The following RWDD1 variants were observed in gnomAD, a reference collection of about 807,000 sequenced individuals.
RWDD1 encodes RWD domain containing 1, also known as RWD domain-containing protein 1.
RWDD1 carries 17 observed loss-of-function variants against 31.6 expected under a neutral mutation model. The observed-to-expected ratio is 0.54, with a 90% CI of 0.37 to 0.81. The LOEUF (loss-of-function observed/expected upper bound fraction) is 0.81, where lower values mean the gene tolerates loss of function less well. Ranked by LOEUF, RWDD1 falls within the 30% of genes least tolerant of loss-of-function variation. The probability of loss-of-function intolerance (pLI) is 0.00; values close to 1 mark genes in which losing one functional copy is unlikely to be tolerated. For missense variants in RWDD1, 204 were observed against 274.5 expected (o/e 0.74, Z 1.82); for synonymous variants, 78 against 94.2 (o/e 0.83, Z 0.99).
At chr6:116,571,787 A>G in intron 1 of RWDD1, 132 bp downstream of exon 1, 1 of 610,670 alleles carries the variant, frequency 1.6e-6, no homozygotes, top group Non-Finnish European at 2.7e-6. Context: ...CTTGCCCTCC[A>G]CTCCTCAAGT....
intron 1 of RWDD1, among the ~76,000 whole-genome samples, chr6:116,578,182 A>G (rs1037600944): frequency 6.6e-6 from 1 of 152,184 alleles, no homozygotes; most frequent in Non-Finnish European, 1.5e-5. Context: ...CACATCTGTA[A>G]AATTGGGGTG....
At chr6:116,586,102 A>C (rs569735712) in intron 3 of RWDD1, among the ~76,000 whole-genome samples, 1 of 152,264 alleles carries the variant, frequency 6.6e-6, no homozygotes, top group African/African-American at 2.4e-5. Context: ...GTCTCTTTTC[A>C]AAAAGGCTGT....
chr6:116,574,386 G>A (rs957396033), intron 1 of RWDD1, among the ~76,000 whole-genome samples: 1 of 152,294 alleles, frequency 6.6e-6, no homozygotes, highest in Non-Finnish European at 1.5e-5. Flanking sequence ...CTTGAGATAG[G>A]TAAGAAGTCG....
chr6:116,591,201 G>A (rs1775138605), intron 6 of RWDD1, among the ~76,000 whole-genome samples: 1 of 151,880 alleles, frequency 6.6e-6, no homozygotes. Context: ...TTCCTCCCAA[G>A]GCTGTTAAAA....
At chr6:116,587,672 ATG>A (rs149843338) in intron 3 of RWDD1, among the ~76,000 whole-genome samples, 23 of 149,634 alleles carry the variant, frequency 1.5e-4, no homozygotes, top group Middle Eastern at 3.4e-3. Flanking sequence ...CTCTGTGTGT[ATG>A]TGTGTGTGTG....
chr6:116,591,665 C>T (rs978871352), intron 6 of RWDD1, among the ~76,000 whole-genome samples: 1 of 152,270 alleles, frequency 6.6e-6, no homozygotes, highest in African/African-American at 2.4e-5. Context: ...TGGGCCAGTT[C>T]TCTCCCCTCG....
intron 5 of RWDD1, among the ~76,000 whole-genome samples, chr6:116,590,671 AC>A (rs534796549): frequency 1.2e-3 from 184 of 152,260 alleles, no homozygotes; most frequent in African/African-American, 4.3e-3. Flanking sequence ...GTAGAGTCAA[AC>A]CCATTTGTTT....
In RWDD1 at chr6:116,571,532, TGC is replaced by T; in HGVS notation, c.-46_-45del. 1.3e-6 allele frequency: 2 copies of T among 1,581,054 alleles called. No individual in the cohort carries two copies. The highest frequency in any genetic ancestry group is 1.7e-6 in the Non-Finnish European group (2 of 1,161,140). Reference sequence around the variant, plus strand: ...CCGGCGCGGCAGCTGTCTGGGCTGCTGCGCGCCGCCTAGGTGTCTGGGCGATC... The same window carrying T: ...CCGGCGCGGCAGCTGTCTGGGCTGCTGCGCCGCCTAGGTGTCTGGGCGATC... On this transcript the variant is annotated 5_prime_UTR_variant, in exon 1 of 7. Coordinates refer to ENST00000466444, the MANE Select transcript of RWDD1 (RefSeq NM_015952.4).
At chr6:116,582,985 A>ATTTTTTT (rs1774974489) in intron 2 of RWDD1, among the ~76,000 whole-genome samples, 1 of 147,590 alleles carries the variant, frequency 6.8e-6, no homozygotes, top group Non-Finnish European at 1.5e-5. Flanking sequence ...AAAATTTTAA[A>ATTTTTTT]TATTTTTTAG....
rs1479286733 is a variant in RWDD1, at chr6:116,596,158, G to A, written c.*3057G>A. 3 of 152,182 alleles carry A rather than the reference G, an allele frequency of 2.0e-5. No homozygotes were observed. The highest frequency in any genetic ancestry group is 4.4e-5 in the Non-Finnish European group (3 of 68,038). The allele number at this position is 152,182 out of a possible 1,614,324, so 9.4% of individuals were successfully genotyped here. A position where few individuals can be genotyped will look rare whatever the true frequency, so the allele number is the denominator to read the frequency against. On this transcript the variant is annotated 3_prime_UTR_variant, in exon 7 of 7. Coordinates refer to ENST00000466444, the MANE Select transcript of RWDD1 (RefSeq NM_015952.4). ...AGCTCTTAATGTTTGTCTTTCAGAG[G>A]ACATACGAGTCAGGCAGCAAAAGTT...
chr6:116,577,857 T>C (rs1774878082), intron 1 of RWDD1, among the ~76,000 whole-genome samples: 1 of 152,226 alleles, frequency 6.6e-6, no homozygotes, highest in African/African-American at 2.4e-5. Flanking sequence ...AACTTTCAAC[T>C]GTATTTTCAC....
chr6:116,588,842 G>A lies in RWDD1; in HGVS notation c.271G>A (p.Ala91Thr), dbSNP rs1460570576. The change falls in exon 4 of 7, where the codon GCT (alanine) becomes ACT (threonine). Residue 91 changes from alanine (A) to threonine (T), a missense_variant and splice_region_variant. Transcript: ENST00000466444. ...SDILKLLALQ[A>T]EENLGMVMIF... Reference sequence around the variant, plus strand: ...CTCATCACCTTTTTGTGTTACACAGGCTGAAGAAAATCTTGGTATGGTGAT... The same window carrying A: ...CTCATCACCTTTTTGTGTTACACAGACTGAAGAAAATCTTGGTATGGTGAT... The A allele has an allele frequency of 2.0e-6, 3 of 1,533,706 alleles. No individual in the cohort carries two copies. The highest frequency in any genetic ancestry group is 1.7e-6 in the Non-Finnish European group (2 of 1,150,566).
Position 116,590,362 on chromosome 6 carries a change from A to C in RWDD1, c.505A>C (p.Arg169=). Residue 169 remains arginine, a synonymous_variant, in exon 5 of 7, where the codon AGG becomes CGG. Transcript: ENST00000466444. The part of the protein sequence containing the change: ...DAELLEIKKK[R]MKEEEQAGKN... ...AGAACTCTTGGAAATTAAAAAGAAA[A>C]GGATGAAAGAAGAAGAACAAGCAGG... The C allele has an allele frequency of 6.3e-7, 1 of 1,595,268 alleles. No individual in the cohort carries two copies. The highest frequency in any genetic ancestry group is 8.5e-7 in the Non-Finnish European group (1 of 1,173,884).
chr6:116,589,903 C>T (rs183050760), intron 4 of RWDD1, among the ~76,000 whole-genome samples: 28 of 152,288 alleles, frequency 1.8e-4, no homozygotes, highest in African/African-American at 6.5e-4. Context: ...GTCCCTCCTA[C>T]AGCACATGGG....
At chr6:116,583,467 A>G (rs1352876250) in intron 2 of RWDD1, among the ~76,000 whole-genome samples, 1 of 152,186 alleles carries the variant, frequency 6.6e-6, no homozygotes, top group Admixed American at 6.5e-5. Flanking sequence ...ATAATTAATT[A>G]TAGATAATAC....
At chr6:116,588,210 C>G (rs1017866762) in intron 3 of RWDD1, among the ~76,000 whole-genome samples, 1 of 152,140 alleles carries the variant, frequency 6.6e-6, no homozygotes, top group Non-Finnish European at 1.5e-5. Context: ...GAGGCCAGCC[C>G]TGTCAAAGAA....
At chr6:116,572,832 C>A in intron 1 of RWDD1, 1 of 985,396 alleles carries the variant, frequency 1.0e-6, no homozygotes. Context: ...GCAATGGTAG[C>A]AAATTTTGTT....
intron 2 of RWDD1, among the ~76,000 whole-genome samples, chr6:116,582,219 C>G (rs1046282110): frequency 1.3e-5 from 2 of 148,902 alleles, no homozygotes; most frequent in Non-Finnish European, 3.0e-5. Context: ...CCTAAATTTT[C>G]TCTACTGAAT....
chr6:116,584,388 C>G (rs1681155558), intron 2 of RWDD1, among the ~76,000 whole-genome samples: 2 of 57,254 alleles, frequency 3.5e-5, no homozygotes, highest in Admixed American at 2.1e-4. Context: ...ATACGGTAGT[C>G]TTTTTAAAAA....
Sources: allele counts gnomAD v4.1 joint callset (sites outside exome capture counted in the v4.1 genomes callset), GRCh38; gene constraint gnomAD v4.1.1; transcripts MANE v1.5; gene names NCBI Gene and HGNC (gene_info 2026-07-23, HGNC 2026-07-21).